The following SAMD13 variants were observed in gnomAD, a reference collection of about 807,000 sequenced individuals.
SAMD13 encodes sterile alpha motif domain-containing protein 13.
SAMD13 carries 9 observed loss-of-function variants against 12.4 expected under a neutral mutation model. That is an observed-to-expected ratio of 0.72 (90% CI 0.44 to 1.26). SAMD13 has a LOEUF of 1.26. Ranked by LOEUF, SAMD13 falls within the 50% of genes most tolerant of loss-of-function variation. The pLI is 0.00. For synonymous variants in SAMD13, 46 were observed against 45.4 expected, an observed-to-expected ratio of 1.01 and a Z score of -0.05; for missense variants, 84 against 119.6, an observed-to-expected ratio of 0.70 and a Z score of 1.39.
At position 84,347,740 on chromosome 1, in the gene SAMD13, G is replaced by A. The variant is rs75921472; in HGVS notation, c.166-1891G>A. Among the ~76,000 whole-genome samples the A allele has an allele frequency of 2.2e-4, 34 of 152,292 alleles. No individual in the cohort carries two copies. The East Asian group carries it at 6.4e-3, about 29-fold the overall frequency. ...ATCTAATTTGGTCTCTGACCTCACA[G>A]TGTCTTCAGCACGGCTACTGTGGTT... On this transcript the variant is annotated intron_variant, in intron 3 of 3. Coordinates refer to ENST00000394834, the MANE Select transcript of SAMD13 (RefSeq NM_001134663.2).
chr1:84,299,301 C>A (rs1678388537), upstream of SAMD13, among the ~76,000 whole-genome samples: 1 of 152,202 alleles, frequency 6.6e-6, no homozygotes, highest in Non-Finnish European at 1.5e-5. Flanking sequence ...CCCTTCCTAA[C>A]CGCCTCCCCT....
chr1:84,319,476 C>G (rs980857423), intron 2 of SAMD13, among the ~76,000 whole-genome samples: 5 of 151,680 alleles, frequency 3.3e-5, no homozygotes, highest in Admixed American at 3.3e-4. Flanking sequence ...ACAAAAAATA[C>G]AAAAAATTAG....
chr1:84,303,301 G>C lies in SAMD13; in HGVS notation c.53+14G>C, dbSNP rs1558434974. On this transcript the variant is annotated intron_variant, in intron 2 of 3. Coordinates refer to ENST00000394834, the MANE Select transcript of SAMD13 (RefSeq NM_001134663.2). ...CGGTGTAAAAAAGTAAGTGAAGCTG[G>C]CTTCTGAGTTCTGCTTCTGCAAACA... The C allele has an allele frequency of 6.2e-7, 1 of 1,602,788 alleles. No individual in the cohort carries two copies. The highest frequency in any genetic ancestry group is 8.5e-7 in the Non-Finnish European group (1 of 1,170,326).
At chr1:84,299,673 A>G (rs868577242), upstream of SAMD13, 58 of 900,566 alleles carry the variant, frequency 6.4e-5, 3 homozygotes, top group East Asian at 1.7e-3. Context: ...ATATATATAT[A>G]TATTTATTTA....
intron 2 of SAMD13, among the ~76,000 whole-genome samples, chr1:84,306,644 CAA>C (rs386367519): frequency 1.1e-4 from 7 of 64,008 alleles, no homozygotes; most frequent in African/African-American, 3.4e-4. Context: ...CTAAAAATAC[CAA>C]AAAAAAAAAA....
intron 2 of SAMD13, among the ~76,000 whole-genome samples, chr1:84,315,596 A>C (rs1678815630): frequency 6.6e-6 from 1 of 152,074 alleles, no homozygotes; most frequent in African/African-American, 2.4e-5. Context: ...CATCTAGTAC[A>C]TTTTATTTTT....
chr1:84,333,891 C>G (rs374940143), intron 3 of SAMD13, among the ~76,000 whole-genome samples: 3 of 151,984 alleles, frequency 2.0e-5, no homozygotes, highest in African/African-American at 7.3e-5. Flanking sequence ...CCTTGCTTCC[C>G]GGGGATAAAG....
At chr1:84,341,391 A>G (rs956608434) in intron 3 of SAMD13, among the ~76,000 whole-genome samples, 2 of 152,170 alleles carry the variant, frequency 1.3e-5, no homozygotes, top group African/African-American at 2.4e-5. Context: ...GGAGAGGGCA[A>G]TGACCAAGGA....
At chr1:84,346,981 T>C (rs17131613) in intron 3 of SAMD13, among the ~76,000 whole-genome samples, 12,556 of 152,216 alleles carry the variant, frequency 0.082, 810 homozygotes, top group African/African-American at 0.17. Context: ...TTAGTAGTCA[T>C]TGAGAACCTC....
chr1:84,300,974 A>G (rs1050898775), upstream of SAMD13, among the ~76,000 whole-genome samples: 1 of 152,178 alleles, frequency 6.6e-6, no homozygotes. Context: ...ACTGGGATAA[A>G]CAGTTAAAAT....
chr1:84,343,238 GCTTTTACA>G (rs1326654685), intron 3 of SAMD13, among the ~76,000 whole-genome samples: 2 of 152,158 alleles, frequency 1.3e-5, no homozygotes. Context: ...AAATAGGAAT[GCTTTTACA>G]CTGTTGGTGT....
At chr1:84,333,216 G>A (rs1570252915) in intron 3 of SAMD13, among the ~76,000 whole-genome samples, 1 of 152,208 alleles carries the variant, frequency 6.6e-6, no homozygotes, top group South Asian at 2.1e-4. Flanking sequence ...CCATATGAAT[G>A]TTAGAATAGT....
upstream of SAMD13, chr1:84,298,564 G>T: frequency 7.8e-7 from 1 of 1,280,028 alleles, no homozygotes. Flanking sequence ...GGCCATGCGG[G>T]GAGGTAAGTG....
intron 3 of SAMD13, among the ~76,000 whole-genome samples, chr1:84,348,154 C>G (rs1326718932): frequency 6.6e-6 from 1 of 152,180 alleles, no homozygotes; most frequent in African/African-American, 2.4e-5. Flanking sequence ...ACTCATAGCT[C>G]AGGGAGCATT....
intron 3 of SAMD13, among the ~76,000 whole-genome samples, chr1:84,345,529 A>G (rs1254587217): frequency 2.0e-5 from 3 of 152,172 alleles, no homozygotes; most frequent in Non-Finnish European, 4.4e-5. Flanking sequence ...CTTATGCACC[A>G]TCTGGGACAG....
At chr1:84,302,323 G>A (rs1372841919) in intron 1 of SAMD13, among the ~76,000 whole-genome samples, 1 of 142,400 alleles carries the variant, frequency 7.0e-6, no homozygotes, top group Non-Finnish European at 1.5e-5. Context: ...AACACGTTTC[G>A]GGACTGTTTC....
At chr1:84,312,440 T>C in intron 2 of SAMD13, among the ~76,000 whole-genome samples, 1 of 151,670 alleles carries the variant, frequency 6.6e-6, no homozygotes. Context: ...AAATATTTAA[T>C]TATATAATAA....
chr1:84,349,620 T>C lies in SAMD13; in HGVS notation c.166-11T>C, dbSNP rs1485897779. Reference sequence around the variant, plus strand: ...CTCACATGTTGGCTTTACCTTCTGCTTCCATTATAGGAAATTGATGGAAAA... The same window carrying C: ...CTCACATGTTGGCTTTACCTTCTGCCTCCATTATAGGAAATTGATGGAAAA... On this transcript the variant is annotated splice_polypyrimidine_tract_variant and intron_variant, in intron 3 of 3. Coordinates refer to ENST00000394834, the MANE Select transcript of SAMD13 (RefSeq NM_001134663.2). The C allele has an allele frequency of 1.2e-6, 2 of 1,611,258 alleles. No individual in the cohort carries two copies. Among genetic ancestry groups the C allele is most frequent in the Non-Finnish European group, 1.7e-6 (2 of 1,178,160 alleles).
chr1:84,325,252 G>T (rs949030516), intron 2 of SAMD13, among the ~76,000 whole-genome samples: 10 of 152,142 alleles, frequency 6.6e-5, no homozygotes, highest in Non-Finnish European at 1.0e-4. Context: ...TCAGATCTAT[G>T]AAAGGACTTG....
Sources: allele counts gnomAD v4.1 joint callset (sites outside exome capture counted in the v4.1 genomes callset), GRCh38; gene constraint gnomAD v4.1.1; transcripts MANE v1.5; gene names NCBI Gene and HGNC (gene_info 2026-07-23, HGNC 2026-07-21).